Variants in NEK8 observed in about 807,000 individuals in gnomAD.
The protein encoded by NEK8 is NIMA related kinase 8, also known as serine/threonine-protein kinase Nek8.
A neutral mutation model predicts 77.2 loss-of-function variants in NEK8; 51 were observed. That is an observed-to-expected ratio of 0.66 (90% CI 0.53 to 0.83). The LOEUF (loss-of-function observed/expected upper bound fraction) is 0.83, where lower values mean the gene tolerates loss of function less well. Ranked by LOEUF, NEK8 falls within the 40% of genes least tolerant of loss-of-function variation. The probability of loss-of-function intolerance (pLI) is 0.00; values close to 1 mark genes in which losing one functional copy is unlikely to be tolerated. For synonymous variants in NEK8, 365 were observed against 363.2 expected (o/e 1.00, Z -0.06); for missense variants, 787 against 909.2 (o/e 0.87, Z 1.73).
At chr17:28,731,677 C>T (rs1051133031) in intron 1 of NEK8, among the ~76,000 whole-genome samples, 2 of 151,270 alleles carry the variant, frequency 1.3e-5, no homozygotes, top group South Asian at 4.2e-4. Context: ...CATCTCGGCT[C>T]ATTGCAAGCT....
chr17:28,742,112 C>A lies in NEK8; in HGVS notation c.*125C>A. ...ATTGTGTCATCATGGGGTATCAGGG[C>A]TGGCAAAACCCCTGCTCTGCTTTTG... is the stretch of plus-strand genomic sequence containing the variant. On this transcript the variant is annotated 3_prime_UTR_variant, in exon 15 of 15. Transcript: ENST00000268766. 1 of 964,696 alleles carries A rather than the reference C, an allele frequency of 1.0e-6. No homozygotes were observed. The highest frequency in any genetic ancestry group is 1.7e-6 in the Non-Finnish European group (1 of 589,444). 59.8% of individuals were successfully genotyped at this position (964,696 alleles called of 1,614,324 possible). A position where few individuals can be genotyped will look rare whatever the true frequency, so the allele number is the denominator to read the frequency against.
chr17:28,734,399 G>T, intron 2 of NEK8: 2 of 607,940 alleles, frequency 3.3e-6, no homozygotes. Flanking sequence ...GCTGGGCACG[G>T]TGGCTCATGC....
chr17:28,728,902 G>A (rs1397191566), intron 1 of NEK8, 42 bp downstream of exon 1: 1 of 1,514,360 alleles, frequency 6.6e-7, no homozygotes, highest in Non-Finnish European at 9.0e-7. Context: ...AGGGGATAGG[G>A]AAAATAAGCC....
chr17:28,741,109 T>TTGCTA lies in NEK8; in HGVS notation c.1764_1765insTGCTA (p.Gln589CysfsTer32). On this transcript the variant is annotated frameshift_variant, in exon 13 of 15. Coordinates refer to ENST00000268766, the MANE Select transcript of NEK8 (RefSeq NM_178170.3). LOFTEE classifies it high-confidence loss of function. The surrounding 1 kb of genome is among the most constrained non-coding windows in gnomAD (Gnocchi z 4.5). ...GTGATTGCTACACTTTTGGCAGCAA[T>TTGCTA]CAGCACGGACAGTTGGGCACCAATA... is the stretch of plus-strand genomic sequence containing the variant. The TTGCTA allele has an allele frequency of 6.2e-7, 1 of 1,614,132 alleles. No homozygotes were observed. The highest frequency in any genetic ancestry group is 8.5e-7 in the Non-Finnish European group (1 of 1,180,020).
chr17:28,729,311 T>C (rs969005222), intron 1 of NEK8, among the ~76,000 whole-genome samples: 1 of 152,186 alleles, frequency 6.6e-6, no homozygotes, highest in Non-Finnish European at 1.5e-5. Context: ...AGAATACTTA[T>C]ATGAGATGGT....
Position 28,740,246 on chromosome 17 carries a change from T to C in NEK8, c.1418-217T>C, listed in dbSNP as rs899052774. Among the ~76,000 whole-genome samples the C allele has an allele frequency of 6.6e-6, 1 of 152,076 alleles. No individual in the cohort carries two copies. Among genetic ancestry groups the C allele is most frequent in the Non-Finnish European group, 1.5e-5 (1 of 68,004 alleles). On this transcript the variant is annotated intron_variant, in intron 10 of 14. Coordinates refer to ENST00000268766, the MANE Select transcript of NEK8 (RefSeq NM_178170.3). The surrounding 1 kb of genome is among the most constrained non-coding windows in gnomAD (Gnocchi z 4.7). ...TTGCAGTGAGTGAAGATCATACCCT[T>C]GTACTCCAGCCTTGGCGACAGAGTG... is the stretch of plus-strand genomic sequence containing the variant.
rs1020098395 is a variant in NEK8 at position 28,740,472 on chromosome 17, G to A, written c.1427G>A (p.Gly476Glu). 4 of 1,614,030 alleles carry A rather than the reference G, an allele frequency of 2.5e-6. No individual in the cohort carries two copies. The highest frequency in any genetic ancestry group is 3.4e-6 in the Non-Finnish European group (4 of 1,179,998). ...AWGRGDSGRL[G>E]LGTRESHSCP... ...GGGTTTCTTCTTGTAGGCAGACTGG[G>A]GCTAGGCACCAGGGAGTCCCACAGC... The change falls in exon 11 of 15, where the codon GGG becomes GAG. Residue 476 changes from glycine (G) to glutamate (E), a missense_variant. By Grantham distance (98) the Gly-to-Glu change is moderately conservative. Coordinates refer to ENST00000268766, the MANE Select transcript of NEK8 (RefSeq NM_178170.3). The surrounding 1 kb of genome is among the most constrained non-coding windows in gnomAD (Gnocchi z 4.7).
rs1486536395 is a variant in NEK8, at chr17:28,738,714, C to T, written c.1266C>T (p.Cys422=). 6.2e-7 allele frequency: 1 copy of T among 1,614,170 alleles called. No homozygotes were observed. The highest frequency in any genetic ancestry group is 8.5e-7 in the Non-Finnish European group (1 of 1,179,968). ...IMTFGSGSNG[C]LGHGSLTDIS... ...CATTCGGCAGCGGCAGCAATGGGTGCCTAGGCCATGGCAGCCTCACTGACA... is the reference window on the plus strand; with the variant it reads ...CATTCGGCAGCGGCAGCAATGGGTGTCTAGGCCATGGCAGCCTCACTGACA... Residue 422 remains cysteine, a synonymous_variant, in exon 9 of 15, where the codon TGC becomes TGT. Transcript: ENST00000268766.
At position 28,740,781 on chromosome 17, in the gene NEK8, A is replaced by T. The variant is rs1225932199; in HGVS notation, c.1569-41A>T. ...TCCTGGTGCACCAGCTCCTGCCCAA[A>T]CTGTCTGTCAGTTGGATTTGGCTTC... On this transcript the variant is annotated intron_variant, in intron 11 of 14. Coordinates refer to ENST00000268766, the MANE Select transcript of NEK8 (RefSeq NM_178170.3). The surrounding 1 kb of genome is among the most constrained non-coding windows in gnomAD (Gnocchi z 4.7). The T allele has an allele frequency of 6.2e-7, 1 of 1,612,012 alleles. No homozygotes were observed.
chr17:28,731,015 G>A (rs1249295185), intron 1 of NEK8, among the ~76,000 whole-genome samples: 5 of 152,082 alleles, frequency 3.3e-5, no homozygotes, highest in Admixed American at 3.3e-4. Flanking sequence ...CACTTTGGGA[G>A]GCCGAGGTGG....
chr17:28,740,855 G>A lies in NEK8; in HGVS notation c.1602G>A (p.Leu534=). The A allele has an allele frequency of 6.2e-7, 1 of 1,614,010 alleles. No homozygotes were observed. The highest frequency in any genetic ancestry group is 8.5e-7 in the Non-Finnish European group (1 of 1,180,020). Residue 534 remains leucine, a synonymous_variant, in exon 12 of 15, where the codon CTG becomes CTA. Coordinates refer to ENST00000268766, the MANE Select transcript of NEK8 (RefSeq NM_178170.3). The surrounding 1 kb of genome is among the most constrained non-coding windows in gnomAD (Gnocchi z 4.7). ...AGCTGGGCCTGGACCACCTCTCCCT[G>A]GGGGAGGAGCCTGTCCCCCACCAGC... ...FNKLGLDHLS[L]GEEPVPHQQV...
chr17:28,741,254 T>C lies in NEK8; in HGVS notation c.1891+18T>C. 1 of 1,578,038 alleles carries C rather than the reference T, an allele frequency of 6.3e-7. No homozygotes were observed. Among genetic ancestry groups the C allele is most frequent in the Non-Finnish European group, 8.6e-7 (1 of 1,161,532 alleles). On this transcript the variant is annotated intron_variant, in intron 13 of 14. Transcript: ENST00000268766. The surrounding 1 kb of genome is among the most constrained non-coding windows in gnomAD (Gnocchi z 4.5). ...TGGGGCAGGTGAGGACTGAGCATGG[T>C]GGGGGCAGACAGTGCCATGAGCAGT...
In NEK8 at chr17:28,743,394, T is replaced by TA. The variant is rs1180513686; in HGVS notation, c.*1408dup. On this transcript the variant is annotated 3_prime_UTR_variant, in exon 15 of 15. Coordinates refer to ENST00000268766, the MANE Select transcript of NEK8 (RefSeq NM_178170.3). ...CCCCAGAAACAGTTGAGAGAATGGG[T>TA]AGCTGGTGGGACCAGACCGGTTTCC... The TA allele has an allele frequency of 1.3e-5, 2 of 152,342 alleles. No individual in the cohort carries two copies. Among genetic ancestry groups the TA allele is most frequent in the African/African-American group, 2.4e-5 (1 of 41,414 alleles). The allele number at this position is 152,342 out of a possible 1,614,324, so 9.4% of individuals were successfully genotyped here.
intron 7 of NEK8, 35 bp from the exon 8 acceptor site, chr17:28,738,060 G>T: frequency 6.2e-7 from 1 of 1,612,840 alleles, no homozygotes; most frequent in Non-Finnish European, 8.5e-7. Context: ...CAGGGTTGGG[G>T]TGCTCAGGCG....
At chr17:28,731,122 G>A (rs1597803713) in intron 1 of NEK8, among the ~76,000 whole-genome samples, 2 of 151,900 alleles carry the variant, frequency 1.3e-5, no homozygotes, top group Non-Finnish European at 1.5e-5. Flanking sequence ...GTGTTGTGAC[G>A]GCTACTTGGG....
Position 28,740,989 on chromosome 17 carries a change from AGGAGGACTTGGGCTCT to A in NEK8, c.1732+10_1732+25del, listed in dbSNP as rs1480784139. ...GCTCACTCAGCTGCTGTGACTGGTG[AGGAGGACTTGGGCTCT>A]GGAGGTCAGAGGGGGACTCACGGTC... On this transcript the variant is annotated splice_donor_5th_base_variant and intron_variant, in intron 12 of 14. Transcript: ENST00000268766. This position sits in a 1 kb window ranked among gnomAD's most constrained non-coding sequence, Gnocchi z 4.7. The A allele has an allele frequency of 6.2e-7, 1 of 1,604,464 alleles. No homozygotes were observed. Among genetic ancestry groups the A allele is most frequent in the Non-Finnish European group, 8.5e-7 (1 of 1,179,388 alleles).
Position 28,738,397 on chromosome 17 carries a change from A to T in NEK8, c.1222+152A>T. 3.8e-6 allele frequency: 4 copies of T among 1,059,900 alleles called. No individual in the cohort carries two copies. In the South Asian group the frequency reaches 4.0e-5, roughly 11 times the overall value. The allele number at this position is 1,059,900 out of a possible 1,614,324, so 65.7% of individuals were successfully genotyped here. On this transcript the variant is annotated intron_variant, in intron 8 of 14. Transcript: ENST00000268766. ...TAGTAACTATTGAGGAGATTTCCTT[A>T]TACAACCTCCTTTACCCTACGGACA...
intron 1 of NEK8, among the ~76,000 whole-genome samples, chr17:28,729,320 G>C (rs1001876402): frequency 6.6e-6 from 1 of 152,164 alleles, no homozygotes; most frequent in Non-Finnish European, 1.5e-5. Flanking sequence ...ATATGAGATG[G>C]TCAAGGAAGA....
chr17:28,731,452 T>C (rs957898077), intron 1 of NEK8, among the ~76,000 whole-genome samples: 9 of 150,562 alleles, frequency 6.0e-5, no homozygotes, highest in South Asian at 2.2e-4. Context: ...GGGAGGAGAA[T>C]TGCTTGAACC....
Sources: gnomAD v4.1 joint callset for allele counts (sites outside exome capture counted in the v4.1 genomes callset) on GRCh38, gnomAD v4.1.1 for gene constraint, Gnocchi (gnomAD v3.1) non-coding constraint, MANE v1.5 for transcripts, NCBI Gene and HGNC (gene_info 2026-07-23, HGNC 2026-07-21) for gene names.